Variants in ANKFN1 observed in about 807,000 individuals in gnomAD.
The protein encoded by ANKFN1 is ankyrin repeat and fibronectin type III domain containing 1.
A neutral mutation model predicts 108.7 loss-of-function variants in ANKFN1; 74 were observed. The observed-to-expected ratio is 0.68, with a 90% CI of 0.56 to 0.83. ANKFN1 has a LOEUF of 0.83. ANKFN1 is among the 40% of genes least tolerant of loss of function. The pLI, the probability that ANKFN1 is intolerant of heterozygous loss-of-function variation, is 0.00. For missense variants in ANKFN1, 1,505 were observed against 1,382.3 expected (o/e 1.09, Z -1.41); for synonymous variants, 547 against 516.2 (o/e 1.06, Z -0.81).
chr17:56,068,170 G>A (rs890001114), intron 4 of ANKFN1, among the ~76,000 whole-genome samples: 6 of 152,050 alleles, frequency 3.9e-5, no homozygotes, highest in African/African-American at 1.4e-4. Context: ...CCATTCATCA[G>A]GACGTAGTTC....
intron 1 of ANKFN1, among the ~76,000 whole-genome samples, chr17:56,199,165 C>T (rs561054763): frequency 1.3e-5 from 2 of 151,128 alleles, no homozygotes; most frequent in Non-Finnish European, 2.9e-5. Flanking sequence ...AAGTCCTGCA[C>T]ATTTTGTGGT....
chr17:56,354,086 A>G (rs764411413), intron 6 of ANKFN1, 40 bp downstream of exon 6: 29 of 1,593,588 alleles, frequency 1.8e-5, no homozygotes, highest in Non-Finnish European at 2.3e-5. Context: ...TATTAAAGCC[A>G]GATTCCAGCC....
chr17:56,435,835 T>G (rs2145137708), intron 8 of ANKFN1, among the ~76,000 whole-genome samples: 1 of 152,174 alleles, frequency 6.6e-6, no homozygotes, highest in Non-Finnish European at 1.5e-5. Flanking sequence ...TAGTTTCACC[T>G]CTCCAAAAGC....
intron 8 of ANKFN1, among the ~76,000 whole-genome samples, chr17:56,401,348 A>ATTGTG (rs1293992046): frequency 6.0e-4 from 38 of 63,722 alleles, no homozygotes; most frequent in Non-Finnish European, 1.1e-3. Context: ...ATTGTATTGT[A>ATTGTG]TTGTATTGTA....
intron 8 of ANKFN1, among the ~76,000 whole-genome samples, chr17:56,382,593 G>A: frequency 6.6e-6 from 1 of 152,176 alleles, no homozygotes; most frequent in Non-Finnish European, 1.5e-5. Flanking sequence ...CATCTCACAT[G>A]CAGAGACACA....
In ANKFN1 at chr17:56,182,010, C is replaced by A. The variant is rs151272975; in HGVS notation, c.-71+28480C>A. 3.1e-3 allele frequency among the ~76,000 whole-genome samples: 478 copies of A among 152,184 alleles called. 3 individuals are homozygous for A. Among genetic ancestry groups the A allele is most frequent in the Middle Eastern group, 0.02 (6 of 294 alleles). ...TGTTACCATTGTCATTGTTTTGGGG[C>A]ATCACAAAGTGCTCCCATATGTGAT... is the stretch of plus-strand genomic sequence containing the variant. On this transcript the variant is annotated intron_variant, in intron 1 of 20. Transcript: ENST00000682825.
In ANKFN1 at chr17:56,326,225, G is replaced by A. The variant is rs763266295; in HGVS notation, c.58G>A (p.Gly20Arg). Reference sequence around the variant, plus strand: ...CGCATTTTATTCTTTACACAGAATAGGAAGGAGATTCGCTTGCTTTGCACA... The same window carrying A: ...CGCATTTTATTCTTTACACAGAATAAGAAGGAGATTCGCTTGCTTTGCACA... Reference protein sequence around the residue: ...DRHFTCSKIIGRRFACFAQRL... With the variant: ...DRHFTCSKIIRRRFACFAQRL... Residue 20 changes from glycine to arginine, a missense_variant, in exon 4 of 21, where the codon GGA (glycine) becomes AGA (arginine). By Grantham distance (125) the Gly-to-Arg change is moderately radical. Transcript: ENST00000682825. The A allele has an allele frequency of 1.6e-5, 26 of 1,612,104 alleles. No individual in the cohort carries two copies. In the South Asian group the frequency reaches 1.8e-4, roughly 11 times the overall value.
intron 8 of ANKFN1, among the ~76,000 whole-genome samples, chr17:56,377,461 T>TC (rs11414983): frequency 0.57 from 87,343 of 151,954 alleles, 28,140 homozygotes; most frequent in East Asian, 0.96. Flanking sequence ...TTTCTGAATT[T>TC]CCCCTGAATG....
chr17:56,350,961 C>T lies in ANKFN1; in HGVS notation c.384C>T (p.Thr128=). 1 of 1,613,276 alleles carries T rather than the reference C, an allele frequency of 6.2e-7. No individual in the cohort carries two copies. ...TRTDRLSLRK[T]SVNFQGNEAM... Reference sequence around the variant, plus strand: ...CTGATCGGCTGAGTCTCAGGAAGACCTCGGTGGTAACAAAACTGTTTTTAT... The same window carrying T: ...CTGATCGGCTGAGTCTCAGGAAGACTTCGGTGGTAACAAAACTGTTTTTAT... The change falls in exon 5 of 21, where the codon ACC becomes ACT. Residue 128 remains threonine (T), a synonymous_variant. Transcript: ENST00000682825.
intron 8 of ANKFN1, among the ~76,000 whole-genome samples, chr17:56,424,824 G>A (rs558075034): frequency 6.6e-6 from 1 of 152,248 alleles, no homozygotes; most frequent in Non-Finnish European, 1.5e-5. Context: ...CTATCTGAGT[G>A]TTGTTTTGAA....
intron 8 of ANKFN1, among the ~76,000 whole-genome samples, chr17:56,378,217 C>A (rs1385201629): frequency 6.6e-6 from 1 of 152,142 alleles, no homozygotes; most frequent in Non-Finnish European, 1.5e-5. Context: ...GGAGAAGCAG[C>A]CAAAAAATTC....
At chr17:56,173,482 C>T (rs768266769) in intron 1 of ANKFN1, among the ~76,000 whole-genome samples, 1 of 152,110 alleles carries the variant, frequency 6.6e-6, no homozygotes, top group Non-Finnish European at 1.5e-5. Flanking sequence ...CAGCATGCGT[C>T]ACCTTGCCAT....
intron 8 of ANKFN1, among the ~76,000 whole-genome samples, chr17:56,427,109 TC>T (rs1212859706): frequency 6.6e-6 from 1 of 152,248 alleles, no homozygotes; most frequent in African/African-American, 2.4e-5. Flanking sequence ...TCTGGTTTTT[TC>T]TTTTTTATTT....
At chr17:56,458,004 G>A in intron 14 of ANKFN1, 25 bp downstream of exon 14, 1 of 1,584,110 alleles carries the variant, frequency 6.3e-7, no homozygotes, top group Non-Finnish European at 8.7e-7. Context: ...TTCAACCCAG[G>A]CCCCCAAGGA....
chr17:56,318,069 G>A (rs1489303421), intron 3 of ANKFN1, among the ~76,000 whole-genome samples: 1 of 152,172 alleles, frequency 6.6e-6, no homozygotes, highest in Non-Finnish European at 1.5e-5. Context: ...GGAAATATTA[G>A]TGATTGGAAT....
At chr17:56,434,698 C>T (rs934980211) in intron 8 of ANKFN1, among the ~76,000 whole-genome samples, 1 of 152,066 alleles carries the variant, frequency 6.6e-6, no homozygotes, top group South Asian at 2.1e-4. Context: ...AAGTGTTGAG[C>T]GGGTTCATGC....
upstream of ANKFN1, among the ~76,000 whole-genome samples, chr17:56,151,522 G>C (rs1908607202): frequency 6.6e-6 from 1 of 152,136 alleles, no homozygotes; most frequent in African/African-American, 2.4e-5. Context: ...GCTATTTCCA[G>C]CCTGTCTACT....
intron 8 of ANKFN1, among the ~76,000 whole-genome samples, chr17:56,381,643 A>T (rs917656882): frequency 1.3e-5 from 2 of 152,284 alleles, no homozygotes; most frequent in Non-Finnish European, 2.9e-5. Context: ...AAGAATGCAG[A>T]AGCCTCAGGA....
At chr17:56,326,386 T>A in intron 4 of ANKFN1, 31 bp downstream of exon 4, 2 of 1,599,368 alleles carry the variant, frequency 1.3e-6, no homozygotes, top group African/African-American at 2.7e-5. Flanking sequence ...TCTTTCTTCA[T>A]GTGAATATGG....
Sources: allele counts gnomAD v4.1 joint callset (sites outside exome capture counted in the v4.1 genomes callset), GRCh38; gene constraint gnomAD v4.1.1; transcripts MANE v1.5; gene names NCBI Gene and HGNC (gene_info 2026-07-23, HGNC 2026-07-21).